NCKAP5: variants seen among roughly 807,000 people sequenced by gnomAD.
NCKAP5 encodes the protein nck-associated protein 5.
NCKAP5 carries 92 observed loss-of-function variants against 167.0 expected under a neutral mutation model. That is an observed-to-expected ratio of 0.55 (90% CI 0.47 to 0.66). The LOEUF (loss-of-function observed/expected upper bound fraction) is 0.66, where lower values mean the gene tolerates loss of function less well. NCKAP5 is among the 30% of genes least tolerant of loss of function. The pLI, the probability that NCKAP5 is intolerant of heterozygous loss-of-function variation, is 0.00. For missense variants in NCKAP5, 2,378 were observed against 2,315.0 expected (o/e 1.03, Z -0.56); for synonymous variants, 891 against 877.4 (o/e 1.02, Z -0.27).
chr2:132,705,631 A>G (rs534832171), intron 19 of NCKAP5, among the ~76,000 whole-genome samples: 1 of 152,326 alleles, frequency 6.6e-6, no homozygotes, highest in South Asian at 2.1e-4. Flanking sequence ...ATTCTGAATC[A>G]TGATGTGTTC....
chr2:133,153,859 G>A (rs1359194377), intron 5 of NCKAP5, among the ~76,000 whole-genome samples: 6 of 114,228 alleles, frequency 5.3e-5, no homozygotes, highest in African/African-American at 2.2e-4. Context: ...TTTTTGAGAT[G>A]GAGTTTTGCT....
intron 3 of NCKAP5, among the ~76,000 whole-genome samples, chr2:133,465,159 TC>T (rs1206455817): frequency 1.7e-5 from 1 of 57,390 alleles, no homozygotes; most frequent in African/African-American, 7.2e-5. Context: ...CCCTCCCCCC[TC>T]CCCCCACCCC....
At chr2:133,062,610 G>T (rs894132756) in intron 6 of NCKAP5, among the ~76,000 whole-genome samples, 1 of 152,180 alleles carries the variant, frequency 6.6e-6, no homozygotes, top group Non-Finnish European at 1.5e-5. Flanking sequence ...ATTCTGGCTG[G>T]TCCTCTTTGC....
At chr2:132,807,031 T>C (rs1343775110) in intron 11 of NCKAP5, among the ~76,000 whole-genome samples, 3 of 152,222 alleles carry the variant, frequency 2.0e-5, no homozygotes, top group African/African-American at 4.8e-5. Flanking sequence ...CCCCACTTTA[T>C]GTTTTTGTTT....
At chr2:132,962,900 T>A (rs1394867178) in intron 8 of NCKAP5, among the ~76,000 whole-genome samples, 2 of 152,164 alleles carry the variant, frequency 1.3e-5, no homozygotes. Context: ...CTCCAGCTCT[T>A]CTTCCTTTAT....
At chr2:132,797,615 T>A (rs915866624) in intron 11 of NCKAP5, among the ~76,000 whole-genome samples, 8 of 152,200 alleles carry the variant, frequency 5.3e-5, no homozygotes, top group African/African-American at 1.9e-4. Flanking sequence ...TAAGCGTGCC[T>A]CTCTCGCTTC....
chr2:133,452,979 T>A (rs1204428056), intron 3 of NCKAP5, among the ~76,000 whole-genome samples: 1 of 152,154 alleles, frequency 6.6e-6, no homozygotes, highest in Non-Finnish European at 1.5e-5. Context: ...GCTATTACCA[T>A]TGCTACCTAA....
chr2:132,779,811 A>G (rs1178842387), intron 15 of NCKAP5, among the ~76,000 whole-genome samples: 3 of 152,236 alleles, frequency 2.0e-5, no homozygotes, highest in African/African-American at 7.2e-5. Context: ...AATAATGTCA[A>G]CCATGGTCAC....
intron 4 of NCKAP5, among the ~76,000 whole-genome samples, chr2:133,288,422 C>G (rs1342734420): frequency 2.0e-5 from 3 of 152,088 alleles, no homozygotes; most frequent in African/African-American, 7.2e-5. Flanking sequence ...CTGAATAAAT[C>G]CAGGTAAATA....
chr2:133,348,132 G>A lies in NCKAP5; in HGVS notation c.70-45022C>T, dbSNP rs11890293. Among the ~76,000 whole-genome samples, 6 of 152,070 alleles carry A rather than the reference G, an allele frequency of 3.9e-5. No homozygotes were observed. The South Asian group carries it at 6.2e-4, about 16-fold the overall frequency. On this transcript the variant is annotated intron_variant, in intron 3 of 19. Coordinates refer to ENST00000409261, the MANE Select transcript of NCKAP5 (RefSeq NM_207363.3). The stretch of plus-strand genomic sequence containing the variant: ...GACTTCTCAGAGATCTGCCATTACC[G>A]CAATATGCTTACACCACTTGCTGAG...
chr2:132,673,132 T>C lies in NCKAP5; in HGVS notation c.*157A>G, dbSNP rs528585296. On this transcript the variant is annotated 3_prime_UTR_variant, in exon 20 of 20. Coordinates refer to ENST00000409261, the MANE Select transcript of NCKAP5 (RefSeq NM_207363.3). ...CAGGCCTATCTGAACTACTCAAAGA[T>C]GTCTCTTCATTTTTTTCTTTTTCTT... The C allele has an allele frequency of 3.0e-6, 4 of 1,352,574 alleles. No individual in the cohort carries two copies. Among genetic ancestry groups the C allele is most frequent in the East Asian group, 2.8e-5 (1 of 35,428 alleles). 83.8% of individuals were successfully genotyped at this position (1,352,574 alleles called of 1,614,324 possible).
At chr2:133,631,224 T>C in the NCKAP5 span, among the ~76,000 whole-genome samples, 2 of 152,310 alleles carry the variant, frequency 1.3e-5, no homozygotes, top group East Asian at 1.9e-4. Context: ...CAAATGGAGA[T>C]TGACCTGAAG....
intron 3 of NCKAP5, among the ~76,000 whole-genome samples, chr2:133,387,921 G>A (rs553097625): frequency 1.3e-5 from 2 of 152,158 alleles, no homozygotes; most frequent in East Asian, 3.9e-4. Flanking sequence ...TCTCTGCATT[G>A]GTTATTCTAG....
At chr2:133,595,965 C>T in the NCKAP5 span, 1 of 152,180 alleles carries the variant, frequency 6.6e-6, no homozygotes, top group East Asian at 1.9e-4. Context: ...GATTATTATG[C>T]AGTGCATACT....
the NCKAP5 span, among the ~76,000 whole-genome samples, chr2:133,608,075 G>T: frequency 6.6e-6 from 1 of 152,076 alleles, no homozygotes; most frequent in African/African-American, 2.4e-5. Flanking sequence ...ATGTGAATCT[G>T]ATTTTAATAT....
At chr2:132,765,207 G>A (rs994484195) in intron 16 of NCKAP5, among the ~76,000 whole-genome samples, 25 of 151,596 alleles carry the variant, frequency 1.6e-4, no homozygotes, top group African/African-American at 5.6e-4. Flanking sequence ...AGCAGTGATC[G>A]TTCAAATTAT....
At chr2:133,248,326 G>C (rs1016088778) in intron 4 of NCKAP5, among the ~76,000 whole-genome samples, 1 of 152,216 alleles carries the variant, frequency 6.6e-6, no homozygotes, top group Non-Finnish European at 1.5e-5. Context: ...ATGCTATTCA[G>C]AAAGGGTTTC....
the NCKAP5 span, among the ~76,000 whole-genome samples, chr2:133,600,184 G>A: frequency 3.9e-5 from 6 of 152,182 alleles, no homozygotes; most frequent in Admixed American, 1.3e-4. Context: ...AATAACAGAC[G>A]TCACAGAGAC....
chr2:133,557,788 G>C (rs1179269944), intron 2 of NCKAP5, among the ~76,000 whole-genome samples: 4 of 152,152 alleles, frequency 2.6e-5, no homozygotes, highest in African/African-American at 9.7e-5. Context: ...AATCACCTCG[G>C]CACTTTGGGA....
Sources: allele counts gnomAD v4.1 joint callset (sites outside exome capture counted in the v4.1 genomes callset), GRCh38; gene constraint gnomAD v4.1.1; transcripts MANE v1.5; gene names NCBI Gene and HGNC (gene_info 2026-07-23, HGNC 2026-07-21).